Variants in ZIC4 observed in about 807,000 individuals in gnomAD.
The protein encoded by ZIC4 is zinc finger protein ZIC 4.
A neutral mutation model predicts 28.8 loss-of-function variants in ZIC4; 15 were observed. The ratio of observed to expected loss-of-function variants is 0.52; its 90% CI spans 0.35 to 0.80. The LOEUF (loss-of-function observed/expected upper bound fraction) is 0.80. Among genes scored for constraint, ZIC4 ranks in the 30% least tolerant of loss-of-function variants. ZIC4 has a pLI of 0.01. For missense variants in ZIC4, 512 were observed against 467.1 expected (o/e 1.10, Z -0.89); for synonymous variants, 220 against 198.1 (o/e 1.11, Z -0.93).
chr3:147,402,648 C>T lies in ZIC4; in HGVS notation c.70+80G>A, dbSNP rs1022947188. ...AACATAAACAAAAGACAAAACAAAACTTCCTACTTAAAAAAAAAAAAGAAG... is the reference window on the plus strand; with the variant it reads ...AACATAAACAAAAGACAAAACAAAATTTCCTACTTAAAAAAAAAAAAGAAG... On this transcript the variant is annotated intron_variant, in intron 2 of 4. Transcript: ENST00000383075. 2.2e-6 allele frequency: 3 copies of T among 1,334,506 alleles called. No individual in the cohort carries two copies. In the African/African-American group the frequency reaches 4.5e-5, roughly 20 times the overall value. The allele number at this position is 1,334,506 out of a possible 1,614,324, so 82.7% of individuals were successfully genotyped here.
Position 147,396,533 on chromosome 3 carries a change from C to A in ZIC4, c.71-64G>T, listed in dbSNP as rs527391081. 6.8e-7 allele frequency: 1 copy of A among 1,479,538 alleles called. No individual in the cohort carries two copies. The highest frequency in any genetic ancestry group is 1.4e-5 in the South Asian group (1 of 70,830). 91.7% of individuals were successfully genotyped at this position (1,479,538 alleles called of 1,614,324 possible). On this transcript the variant is annotated intron_variant, in intron 2 of 4. Transcript: ENST00000383075. The surrounding 1 kb of genome is among the most constrained non-coding windows in gnomAD (Gnocchi z 4.2). ...CGTGGGCTGCGCGCTCTTCCCTGGG[C>A]CCCGGGGGGCAGGCCCAGCCCTGCC...
chr3:147,389,924 A>G (rs2086877115), intron 4 of ZIC4, among the ~76,000 whole-genome samples: 1 of 152,202 alleles, frequency 6.6e-6, no homozygotes, highest in Non-Finnish European at 1.5e-5. Context: ...AGCTCGCTCT[A>G]CACCCGGAGC....
At chr3:147,393,752 A>C (rs534458041) in intron 3 of ZIC4, 10 of 367,428 alleles carry the variant, frequency 2.7e-5, no homozygotes, top group South Asian at 2.0e-4. Context: ...ACGCCGGGGA[A>C]GGTGTGGTGA....
chr3:147,401,332 G>A lies in ZIC4; in HGVS notation c.70+1396C>T, dbSNP rs149708210. Among the ~76,000 whole-genome samples, 16 of 152,290 alleles carry A rather than the reference G, an allele frequency of 1.1e-4. No individual in the cohort carries two copies. In the East Asian group the frequency reaches 2.5e-3, roughly 24 times the overall value. On this transcript the variant is annotated intron_variant, in intron 2 of 4. Transcript: ENST00000383075. The stretch of plus-strand genomic sequence containing the variant: ...AAATGGAGGATATTTCAGATCAACA[G>A]CTGGGCTATTTTTCCATTTTAATAT...
At chr3:147,399,059 A>C (rs73004642) in intron 2 of ZIC4, among the ~76,000 whole-genome samples, 25,293 of 151,710 alleles carry the variant, frequency 0.17, 2,225 homozygotes, top group East Asian at 0.23. Context: ...AAGAGCTTGG[A>C]TAACTCTACC....
intron 3 of ZIC4, among the ~76,000 whole-genome samples, chr3:147,395,628 T>TC (rs894553027): frequency 5.9e-5 from 9 of 151,698 alleles, no homozygotes; most frequent in South Asian, 4.2e-4. Flanking sequence ...TTCACCCTTG[T>TC]CCCCCCCAGA....
chr3:147,389,976 G>A (rs1199307300), intron 4 of ZIC4, among the ~76,000 whole-genome samples: 2 of 152,198 alleles, frequency 1.3e-5, no homozygotes, highest in African/African-American at 4.8e-5. Flanking sequence ...CTCTACAGGG[G>A]TTGGGGTGGG....
intron 2 of ZIC4, among the ~76,000 whole-genome samples, chr3:147,400,168 T>C (rs939792242): frequency 6.6e-6 from 1 of 152,202 alleles, no homozygotes; most frequent in African/African-American, 2.4e-5. Context: ...CAATAGAAGG[T>C]TGTGAAAATA....
At chr3:147,393,121 C>T (rs1043347452) in intron 3 of ZIC4, among the ~76,000 whole-genome samples, 1 of 151,632 alleles carries the variant, frequency 6.6e-6, no homozygotes, top group South Asian at 2.1e-4. Context: ...AATTTGGTGC[C>T]CCTCCCCAAC....
intron 2 of ZIC4, 29 bp downstream of exon 2, chr3:147,402,699 C>G: frequency 1.3e-6 from 2 of 1,552,932 alleles, no homozygotes; most frequent in Non-Finnish European, 1.7e-6. Context: ...AACCAGCAAA[C>G]CAATATTCAA....
chr3:147,396,329 T>G lies in ZIC4; in HGVS notation c.211A>C (p.Met71Leu). Residue 71 changes from methionine (M) to leucine (L), a missense_variant, in exon 3 of 5, where the codon ATG (methionine) becomes CTG (leucine). Coordinates refer to ENST00000383075, the MANE Select transcript of ZIC4 (RefSeq NM_032153.6). The surrounding 1 kb of genome is among the most constrained non-coding windows in gnomAD (Gnocchi z 4.2). ...GGGAAGGGCTCCGGCCGCGCGTACA[T>G]GTCTCCAGGGAGCCCCAGACGCAGG... ...GLLRLGLPGD[M>L]YARPEPFPPG... 1 of 1,590,840 alleles carries G rather than the reference T, an allele frequency of 6.3e-7. No homozygotes were observed. The highest frequency in any genetic ancestry group is 1.1e-5 in the South Asian group (1 of 88,018).
Position 147,391,007 on chromosome 3 carries a change from A to T in ZIC4, c.928T>A (p.Ser310Thr), listed in dbSNP as rs1207073080. ...TGGGACTTGTGGCCGCAGTCCGACG[A>T]GGGCGACACGAGGGCAGACGGTGTA... is the stretch of plus-strand genomic sequence containing the variant. ...SATPSALVSP[S>T]SDCGHKSQVA... The change falls in exon 4 of 5, where the codon TCG becomes ACG. Residue 310 changes from serine (S) to threonine (T), a missense_variant. Ser to Thr is a moderately conservative substitution (Grantham distance 58, BLOSUM62 1). This residue lies in a region of ZIC4 where 144 missense variants were observed against 116.8 expected (regional missense o/e 1.23). Coordinates refer to ENST00000383075, the MANE Select transcript of ZIC4 (RefSeq NM_032153.6). 6.2e-7 allele frequency: 1 copy of T among 1,613,434 alleles called. No homozygotes were observed.
intron 3 of ZIC4, chr3:147,393,866 C>T: frequency 2.2e-6 from 1 of 456,588 alleles, no homozygotes; most frequent in Non-Finnish European, 4.4e-6. Context: ...CACCATTGTT[C>T]CGGGATCGCT....
Position 147,387,926 on chromosome 3 carries a change from A to C in ZIC4, c.*933T>G, listed in dbSNP as rs1459821152. 1 of 152,172 alleles carries C rather than the reference A, an allele frequency of 6.6e-6. No homozygotes were observed. The highest frequency in any genetic ancestry group is 2.4e-5 in the African/African-American group (1 of 41,392). 9.4% of individuals were successfully genotyped at this position (152,172 alleles called of 1,614,324 possible). A position where few individuals can be genotyped will look rare whatever the true frequency, so the allele number is the denominator to read the frequency against. On this transcript the variant is annotated 3_prime_UTR_variant, in exon 5 of 5. Coordinates refer to ENST00000383075, the MANE Select transcript of ZIC4 (RefSeq NM_032153.6). ...CAGAAAGGCGATTTGCACAAAACTG[A>C]GCTTGGAATGCTCATTTGTTAAGCT...
rs371227174 is a variant in ZIC4, at chr3:147,391,027, G to C, written c.908C>G (p.Pro303Arg). 5.0e-6 allele frequency: 8 copies of C among 1,613,784 alleles called. No individual in the cohort carries two copies. The East Asian group carries it at 1.1e-4, about 22-fold the overall frequency. ...PPSSGYDSAT[P>R]SALVSPSSDC... Reference sequence around the variant, plus strand: ...CGACGAGGGCGACACGAGGGCAGACGGTGTAGCCGAATCGTAGCCAGAGCT... The same window carrying C: ...CGACGAGGGCGACACGAGGGCAGACCGTGTAGCCGAATCGTAGCCAGAGCT... The change falls in exon 4 of 5, where the codon CCG (proline) becomes CGG (arginine). Residue 303 changes from proline (P) to arginine (R), a missense_variant. Pro to Arg is a moderately radical substitution (Grantham distance 103). Around this residue, in one of 3 missense-constraint regions of ZIC4, gnomAD observed 144 missense variants for 116.8 expected, o/e 1.23. Transcript: ENST00000383075.
At chr3:147,402,679 G>T in intron 2 of ZIC4, 49 bp downstream of exon 2, 5 of 1,440,496 alleles carry the variant, frequency 3.5e-6, no homozygotes, top group Non-Finnish European at 4.7e-6. Flanking sequence ...AGAAGAAGAA[G>T]AAGAAAAGAA....
chr3:147,399,418 G>A (rs1686685784), intron 2 of ZIC4, among the ~76,000 whole-genome samples: 1 of 152,134 alleles, frequency 6.6e-6, no homozygotes, highest in Non-Finnish European at 1.5e-5. Context: ...ACTCCAAAAA[G>A]CAAAACAAAA....
chr3:147,401,073 G>A (rs575186393), intron 2 of ZIC4, among the ~76,000 whole-genome samples: 20 of 152,306 alleles, frequency 1.3e-4, no homozygotes, highest in African/African-American at 4.6e-4. Flanking sequence ...CCTATTTGGA[G>A]CATATTCCAC....
chr3:147,404,282 C>A (rs941842054), intron 1 of ZIC4: 19 of 1,423,832 alleles, frequency 1.3e-5, no homozygotes, highest in East Asian at 2.5e-5. Flanking sequence ...TGGATCACTT[C>A]TCTCCCAGGT....
Sources: gnomAD v4.1 joint callset for allele counts (sites outside exome capture counted in the v4.1 genomes callset) on GRCh38, gnomAD v4.1.1 for gene constraint, gnomAD v4.1.1 regional missense constraint, Gnocchi (gnomAD v3.1) non-coding constraint, MANE v1.5 for transcripts, NCBI Gene and HGNC (gene_info 2026-07-23, HGNC 2026-07-21) for gene names.